CAMKMT: variants seen among roughly 807,000 people sequenced by gnomAD.
The protein encoded by CAMKMT is CaM KMT.
In CAMKMT, 53 loss-of-function variants were observed where a neutral mutation model predicts 48.0. That is an observed-to-expected ratio of 1.10 (90% CI 0.89 to 1.39). The LOEUF (loss-of-function observed/expected upper bound fraction) is 1.39. CAMKMT is among the 40% of genes most tolerant of loss of function. CAMKMT has a pLI of 0.00. For synonymous variants in CAMKMT, 165 were observed against 152.3 expected (o/e 1.08, Z -0.61); for missense variants, 428 against 402.7 (o/e 1.06, Z -0.54).
chr2:44,763,173 A>T (rs1284675327), intron 9 of CAMKMT, among the ~76,000 whole-genome samples: 1 of 152,142 alleles, frequency 6.6e-6, no homozygotes, highest in Non-Finnish European at 1.5e-5. Flanking sequence ...TTTCCATCCT[A>T]ACTATTAATC....
At chr2:44,391,930 G>A (rs1417804422) in intron 3 of CAMKMT, 1 of 152,498 alleles carries the variant, frequency 6.6e-6, no homozygotes, top group Non-Finnish European at 1.5e-5. Flanking sequence ...TTTGACTTCT[G>A]GCTCTGAAAT....
intron 3 of CAMKMT, among the ~76,000 whole-genome samples, chr2:44,500,487 C>T (rs999275416): frequency 6.6e-6 from 1 of 151,332 alleles, no homozygotes; most frequent in Non-Finnish European, 1.5e-5. Context: ...TTAATTTTTT[C>T]CTGGATTATT....
At chr2:44,649,276 C>T (rs1247735431) in intron 3 of CAMKMT, among the ~76,000 whole-genome samples, 1 of 151,904 alleles carries the variant, frequency 6.6e-6, no homozygotes, top group Admixed American at 6.6e-5. Context: ...TTTGTTAATT[C>T]GGCCACCATT....
rs552143802 is a variant in CAMKMT, at chr2:44,446,338, A to ATTAT, written c.376+56056_376+56059dup. ...CTCCCAGATTTGGTCTTTCCCTTAT[A>ATTAT]TTATTTATTTATTTATTTATTTATT... On this transcript the variant is annotated intron_variant, in intron 3 of 10. Transcript: ENST00000378494. Among the ~76,000 whole-genome samples, 623 of 151,652 alleles carry ATTAT rather than the reference A, an allele frequency of 4.1e-3. 4 individuals are homozygous for ATTAT. Among genetic ancestry groups the ATTAT allele is most frequent in the African/African-American group, 0.013 (528 of 41,372 alleles).
At chr2:44,429,342 C>CAAACTAATATTTCTGGATA (rs1379092381) in intron 3 of CAMKMT, among the ~76,000 whole-genome samples, 1 of 151,600 alleles carries the variant, frequency 6.6e-6, no homozygotes, top group Admixed American at 6.6e-5. Flanking sequence ...ACTGTTAATT[C>CAAACTAATATTTCTGGATA]AAACTAATAT....
At chr2:44,406,120 A>C (rs1040908104) in intron 3 of CAMKMT, among the ~76,000 whole-genome samples, 4 of 152,208 alleles carry the variant, frequency 2.6e-5, no homozygotes, top group Non-Finnish European at 5.9e-5. Context: ...AAAGAAATGT[A>C]TTGGAAAGAT....
intron 3 of CAMKMT, among the ~76,000 whole-genome samples, chr2:44,619,636 T>G (rs1200936725): frequency 6.6e-6 from 1 of 152,258 alleles, no homozygotes; most frequent in Non-Finnish European, 1.5e-5. Flanking sequence ...ATAAATTCTT[T>G]CAGGCTACTA....
intron 9 of CAMKMT, among the ~76,000 whole-genome samples, chr2:44,763,463 A>G (rs1002393543): frequency 1.3e-5 from 2 of 152,358 alleles, no homozygotes; most frequent in South Asian, 2.1e-4. Flanking sequence ...GTCTCATCAA[A>G]TATTGACTGA....
chr2:44,503,728 T>A (rs1196047416), intron 3 of CAMKMT, among the ~76,000 whole-genome samples: 2 of 152,184 alleles, frequency 1.3e-5, no homozygotes, highest in Non-Finnish European at 2.9e-5. Flanking sequence ...AAGCACGCTG[T>A]TCTTAGATCT....
intron 3 of CAMKMT, among the ~76,000 whole-genome samples, chr2:44,403,355 T>C (rs1160759322): frequency 1.3e-5 from 2 of 152,162 alleles, no homozygotes; most frequent in African/African-American, 2.4e-5. Context: ...ACGAATGCCT[T>C]CCAGTCTGGA....
intron 4 of CAMKMT, 91 bp downstream of exon 4, chr2:44,704,434 A>G (rs1004075370): frequency 2.4e-6 from 2 of 850,290 alleles, no homozygotes. Context: ...TTCAAATTAA[A>G]TTGTTAGAAA....
intron 3 of CAMKMT, among the ~76,000 whole-genome samples, chr2:44,428,180 G>A (rs1370647189): frequency 2.0e-5 from 3 of 152,126 alleles, no homozygotes; most frequent in Admixed American, 6.5e-5. Flanking sequence ...CAGATCACAC[G>A]GACTTGAAGG....
chr2:44,488,436 A>C (rs186447789), intron 3 of CAMKMT, among the ~76,000 whole-genome samples: 14 of 152,302 alleles, frequency 9.2e-5, no homozygotes, highest in Admixed American at 6.5e-4. Flanking sequence ...CCCAGGAGGC[A>C]GAGGTTGTGG....
chr2:44,578,264 C>T (rs1669348071), intron 3 of CAMKMT, among the ~76,000 whole-genome samples: 1 of 151,958 alleles, frequency 6.6e-6, no homozygotes, highest in South Asian at 2.1e-4. Flanking sequence ...TAATATGAGA[C>T]CATTTATTAA....
At chr2:44,579,722 T>C (rs1030254607) in intron 3 of CAMKMT, among the ~76,000 whole-genome samples, 3 of 152,148 alleles carry the variant, frequency 2.0e-5, no homozygotes, top group Non-Finnish European at 4.4e-5. Context: ...CTCCAGACAG[T>C]GAGAGATTTG....
rs185859021 is a variant in CAMKMT at position 44,641,089 on chromosome 2, C to T, written c.377-63194C>T. ...AGTGATTTTTTATAAATCCCTGTTGCCCCCCTTTTATCTCACACATTATCT... is the reference window on the plus strand; with the variant it reads ...AGTGATTTTTTATAAATCCCTGTTGTCCCCCTTTTATCTCACACATTATCT... On this transcript the variant is annotated intron_variant, in intron 3 of 10. Coordinates refer to ENST00000378494, the MANE Select transcript of CAMKMT (RefSeq NM_024766.5). Among the ~76,000 whole-genome samples, 404 of 152,270 alleles carry T rather than the reference C, an allele frequency of 2.7e-3. 1 individual carries two copies. The highest frequency in any genetic ancestry group is 6.8e-3 in the Middle Eastern group (2 of 294).
At chr2:44,402,447 T>A (rs1682467582) in intron 3 of CAMKMT, among the ~76,000 whole-genome samples, 1 of 152,076 alleles carries the variant, frequency 6.6e-6, no homozygotes, top group Non-Finnish European at 1.5e-5. Flanking sequence ...TAACTTATCA[T>A]TTTTATGAAA....
chr2:44,667,306 C>A (rs1035071814), intron 3 of CAMKMT, among the ~76,000 whole-genome samples: 1 of 152,190 alleles, frequency 6.6e-6, no homozygotes, highest in African/African-American at 2.4e-5. Flanking sequence ...ACCTCTATCA[C>A]CAGCAGATGA....
At chr2:44,568,666 T>C (rs1364626050) in intron 3 of CAMKMT, among the ~76,000 whole-genome samples, 2 of 152,140 alleles carry the variant, frequency 1.3e-5, no homozygotes, top group Non-Finnish European at 2.9e-5. Flanking sequence ...GGGGCCAGAC[T>C]GTGGGTCCAT....
Sources: allele counts gnomAD v4.1 joint callset (sites outside exome capture counted in the v4.1 genomes callset), GRCh38; gene constraint gnomAD v4.1.1; transcripts MANE v1.5; gene names NCBI Gene and HGNC (gene_info 2026-07-23, HGNC 2026-07-21).